Variants in XKR6 observed in about 807,000 individuals in gnomAD.
XKR6 encodes XK related 6.
Under a neutral mutation model 56.7 loss-of-function variants are expected in XKR6, and 22 were observed. That is an observed-to-expected ratio of 0.39 (90% CI 0.28 to 0.55). The LOEUF (loss-of-function observed/expected upper bound fraction) is 0.55, where lower values mean the gene tolerates loss of function less well. Ranked by LOEUF, XKR6 falls within the 20% of genes least tolerant of loss-of-function variation. The probability of loss-of-function intolerance (pLI) is 0.66; values close to 1 mark genes in which losing one functional copy is unlikely to be tolerated. For missense variants in XKR6, 852 were observed against 889.0 expected (o/e 0.96, Z 0.53); for synonymous variants, 524 against 387.8 (o/e 1.35, Z -4.13).
At position 11,019,189 on chromosome 8, in the gene XKR6, T is replaced by G. The variant is rs111489238; in HGVS notation, c.765-94359A>C. Among the ~76,000 whole-genome samples the G allele has an allele frequency of 5.4e-4, 82 of 152,318 alleles. 1 individual carries two copies. Among genetic ancestry groups the G allele is most frequent in the African/African-American group, 1.9e-3 (81 of 41,556 alleles). On this transcript the variant is annotated intron_variant, in intron 1 of 2. Transcript: ENST00000416569. The stretch of plus-strand genomic sequence containing the variant: ...ATGTTTCACTCACTTTCCTATCCCT[T>G]CACCCCTCAGAGGGTCTAGCATGGG...
intron 1 of XKR6, among the ~76,000 whole-genome samples, chr8:10,982,470 T>C (rs1335182703): frequency 2.6e-5 from 4 of 152,150 alleles, no homozygotes; most frequent in Non-Finnish European, 4.4e-5. Context: ...TCCTCCAACA[T>C]GAGTGCTTCT....
intron 1 of XKR6, among the ~76,000 whole-genome samples, chr8:11,018,835 G>A (rs560842791): frequency 6.6e-6 from 1 of 151,976 alleles, no homozygotes; most frequent in Non-Finnish European, 1.5e-5. Context: ...TCTACCTAGC[G>A]ACCTGCCTTG....
Position 11,157,329 on chromosome 8 carries a change from T to A in XKR6, c.764+43247A>T, listed in dbSNP as rs567033156. ...CCAAATAAAGCCTGGGGTATAATACTAACATACCAATGATGGTTTCCTAGT... is the reference window on the plus strand; with the variant it reads ...CCAAATAAAGCCTGGGGTATAATACAAACATACCAATGATGGTTTCCTAGT... On this transcript the variant is annotated intron_variant, in intron 1 of 2. Transcript: ENST00000416569. 3.3e-5 allele frequency among the ~76,000 whole-genome samples: 5 copies of A among 152,300 alleles called. No homozygotes were observed. The South Asian group carries it at 1.0e-3, about 32-fold the overall frequency.
intron 1 of XKR6, among the ~76,000 whole-genome samples, chr8:10,987,823 T>C (rs568210590): frequency 4.6e-5 from 7 of 152,346 alleles, no homozygotes; most frequent in Non-Finnish European, 1.0e-4. Flanking sequence ...TGGCCTCCTT[T>C]CTGGTCCTCC....
At chr8:11,133,307 T>C (rs1800209482) in intron 1 of XKR6, among the ~76,000 whole-genome samples, 1 of 152,074 alleles carries the variant, frequency 6.6e-6, no homozygotes, top group South Asian at 2.1e-4. Context: ...CCCTCCTTTG[T>C]GAGAGGCAAG....
chr8:11,089,805 T>G (rs1241171219), intron 1 of XKR6, among the ~76,000 whole-genome samples: 1 of 152,232 alleles, frequency 6.6e-6, no homozygotes, highest in Non-Finnish European at 1.5e-5. Context: ...CTCCGTCATC[T>G]TCCCCTTCCT....
chr8:11,049,732 C>A (rs1438599127), intron 1 of XKR6, among the ~76,000 whole-genome samples: 1 of 152,180 alleles, frequency 6.6e-6, no homozygotes, highest in East Asian at 1.9e-4. Flanking sequence ...CAAAAACATT[C>A]TCTCAATGAT....
intron 1 of XKR6, among the ~76,000 whole-genome samples, chr8:11,025,737 A>G (rs1331204025): frequency 6.6e-6 from 1 of 152,202 alleles, no homozygotes; most frequent in Non-Finnish European, 1.5e-5. Flanking sequence ...AATACACACC[A>G]AATAGAGTGT....
At chr8:10,969,507 G>C (rs1226293590) in intron 1 of XKR6, among the ~76,000 whole-genome samples, 4 of 152,194 alleles carry the variant, frequency 2.6e-5, no homozygotes, top group African/African-American at 4.8e-5. Flanking sequence ...GGGAAATGTA[G>C]GTACGTGTCC....
At chr8:10,954,805 C>A (rs1365546206) in intron 1 of XKR6, among the ~76,000 whole-genome samples, 3 of 121,092 alleles carry the variant, frequency 2.5e-5, no homozygotes, top group Admixed American at 7.9e-5. Flanking sequence ...ACATTTAGGT[C>A]TATGATGATT....
At chr8:11,003,711 T>C (rs896047604) in intron 1 of XKR6, among the ~76,000 whole-genome samples, 1 of 152,258 alleles carries the variant, frequency 6.6e-6, no homozygotes, top group Non-Finnish European at 1.5e-5. Flanking sequence ...GCAGGTCTTT[T>C]GGACTACAGA....
rs1586335362 is a variant in XKR6 at position 10,944,090 on chromosome 8, G to T, written c.765-19260C>A. On this transcript the variant is annotated intron_variant, in intron 1 of 2. Transcript: ENST00000416569. ...AGCTAGATTTTAACCTCCAGGAGGG[G>T]CATCCATATACCCAGCGCCCCCCAG... 3.9e-5 allele frequency among the ~76,000 whole-genome samples: 6 copies of T among 152,200 alleles called. No individual in the cohort carries two copies. The South Asian group carries it at 1.2e-3, about 32-fold the overall frequency.
chr8:10,984,732 C>CTCTCTATATATATATATATATATATATA, intron 1 of XKR6, among the ~76,000 whole-genome samples: 15 of 47,482 alleles, frequency 3.2e-4, no homozygotes, highest in South Asian at 8.7e-4. Flanking sequence ...CTCTCTCTCT[C>CTCTCTATATATATATATATATATATATA]TATATATATA....
chr8:11,123,594 G>A (rs756310372), intron 1 of XKR6: 34 of 302,650 alleles, frequency 1.1e-4, no homozygotes, highest in South Asian at 1.2e-4. Context: ...GGATATACAC[G>A]AGGATTAAAA....
At chr8:11,184,378 TATACACACATAC>T (rs1803155604) in intron 1 of XKR6, among the ~76,000 whole-genome samples, 1 of 137,486 alleles carries the variant, frequency 7.3e-6, no homozygotes, top group African/African-American at 3.1e-5. Context: ...TATATATATA[TATACACACATAC>T]ACACACACAC....
chr8:11,143,626 GA>G (rs1800819283), intron 1 of XKR6, among the ~76,000 whole-genome samples: 1 of 152,180 alleles, frequency 6.6e-6, no homozygotes, highest in Non-Finnish European at 1.5e-5. Flanking sequence ...GAACTATAAA[GA>G]AATGTAAAGA....
chr8:11,200,557 C>G lies in XKR6; in HGVS notation c.764+19G>C. The stretch of plus-strand genomic sequence containing the variant: ...GGGCTCCTCAGGGCCGGCCCGCCCC[C>G]ACCCCGCAGTGCTCTTACCTCCACA... On this transcript the variant is annotated intron_variant, in intron 1 of 2. Transcript: ENST00000416569. This position sits in a 1 kb window ranked among gnomAD's most constrained non-coding sequence, Gnocchi z 6.4. The G allele has an allele frequency of 2.1e-6, 3 of 1,445,204 alleles. No homozygotes were observed. Among genetic ancestry groups the G allele is most frequent in the East Asian group, 5.4e-5 (2 of 36,990 alleles). The allele number at this position is 1,445,204 out of a possible 1,614,324, so 89.5% of individuals were successfully genotyped here.
chr8:11,162,072 C>T (rs1416867013), intron 1 of XKR6, among the ~76,000 whole-genome samples: 1 of 152,048 alleles, frequency 6.6e-6, no homozygotes, highest in Non-Finnish European at 1.5e-5. Context: ...AAAAAACTGA[C>T]CCAGAGAAAT....
Position 10,943,731 on chromosome 8 carries a change from C to T in XKR6, c.765-18901G>A, listed in dbSNP as rs549490676. On this transcript the variant is annotated intron_variant, in intron 1 of 2. Coordinates refer to ENST00000416569, the MANE Select transcript of XKR6 (RefSeq NM_173683.4). ...AGACCAAAGCAAGAGGTTGTGGATG[C>T]CAGGGGTTCATACCCAGGTGGTTGA... Among the ~76,000 whole-genome samples, 6 of 77,442 alleles carry T rather than the reference C, an allele frequency of 7.7e-5. No homozygotes were observed. The South Asian group carries it at 2.4e-3, about 31-fold the overall frequency. 50.8% of individuals were successfully genotyped at this position (77,442 alleles called of 152,430 possible).
Sources: allele counts gnomAD v4.1 joint callset (sites outside exome capture counted in the v4.1 genomes callset), GRCh38; gene constraint gnomAD v4.1.1; non-coding constraint Gnocchi (gnomAD v3.1); transcripts MANE v1.5; gene names NCBI Gene and HGNC (gene_info 2026-07-23, HGNC 2026-07-21).